The following RUNX1 variants were observed in gnomAD, a reference collection of about 807,000 sequenced individuals.
The protein encoded by RUNX1 is RUNX family transcription factor 1.
A neutral mutation model predicts 42.8 loss-of-function variants in RUNX1; 19 were observed. The ratio of observed to expected loss-of-function variants is 0.44; its 90% CI spans 0.31 to 0.65. The LOEUF is 0.65. Among genes scored for constraint, RUNX1 ranks in the 30% least tolerant of loss-of-function variants. The pLI is 0.07. For missense variants in RUNX1, 528 were observed against 672.0 expected (o/e 0.79, Z 2.37); for synonymous variants, 271 against 289.4 (o/e 0.94, Z 0.64).
chr21:34,932,447 G>A lies in RUNX1; in HGVS notation c.59-39484C>T, dbSNP rs79872435. 6.5e-3 allele frequency among the ~76,000 whole-genome samples: 988 copies of A among 152,138 alleles called. 8 individuals carry two copies. The highest frequency in any genetic ancestry group is 0.03 in the South Asian group (147 of 4,820). On this transcript the variant is annotated intron_variant, in intron 2 of 8. Transcript: ENST00000675419. ...CCATTATACCACTGCTGGGTTGTGG[G>A]TTCTCCCCTCTAAACGACTACTTCC...
At chr21:34,855,348 A>C (rs2057480984) in intron 6 of RUNX1, among the ~76,000 whole-genome samples, 1 of 152,200 alleles carries the variant, frequency 6.6e-6, no homozygotes, top group Admixed American at 6.6e-5. Context: ...CCTAAATTAC[A>C]GATTTGTGAG....
intron 2 of RUNX1, among the ~76,000 whole-genome samples, chr21:34,971,418 G>A (rs1282379402): frequency 6.6e-6 from 1 of 152,092 alleles, no homozygotes; most frequent in Admixed American, 6.5e-5. Flanking sequence ...TCTAAAGAAT[G>A]ATAATTCTTT....
intron 2 of RUNX1, among the ~76,000 whole-genome samples, chr21:34,987,298 T>G (rs1385219604): frequency 6.6e-6 from 1 of 152,126 alleles, no homozygotes; most frequent in Non-Finnish European, 1.5e-5. Context: ...AACAGGAGCA[T>G]GTAGCCAGTT....
intron 2 of RUNX1, among the ~76,000 whole-genome samples, chr21:34,899,320 A>G (rs2058158265): frequency 6.6e-6 from 1 of 152,088 alleles, no homozygotes; most frequent in African/African-American, 2.4e-5. Flanking sequence ...GATATGTGGG[A>G]GGTGATTAGA....
chr21:34,948,852 TCTC>T (rs1275083124), intron 2 of RUNX1, among the ~76,000 whole-genome samples: 3 of 152,098 alleles, frequency 2.0e-5, no homozygotes, highest in African/African-American at 7.2e-5. Context: ...CTCAAGCAAT[TCTC>T]CTGCTTCAGC....
chr21:34,886,370 C>T (rs2057987413), intron 4 of RUNX1, among the ~76,000 whole-genome samples: 1 of 152,174 alleles, frequency 6.6e-6, no homozygotes, highest in African/African-American at 2.4e-5. Flanking sequence ...CTGACAGTTT[C>T]CCTAGTTAGT....
At chr21:34,914,621 G>T (rs2058297704) in intron 2 of RUNX1, among the ~76,000 whole-genome samples, 1 of 152,152 alleles carries the variant, frequency 6.6e-6, no homozygotes, top group South Asian at 2.1e-4. Flanking sequence ...AGGGAACTCA[G>T]TTCCCTCCTC....
chr21:34,927,532 G>T (rs1301990007), intron 2 of RUNX1, among the ~76,000 whole-genome samples: 1 of 152,152 alleles, frequency 6.6e-6, no homozygotes, highest in African/African-American at 2.4e-5. Flanking sequence ...GATGCAGGGG[G>T]CTACTCATTT....
chr21:34,871,001 T>C (rs1349950222), intron 5 of RUNX1, among the ~76,000 whole-genome samples: 1 of 152,038 alleles, frequency 6.6e-6, no homozygotes, highest in Non-Finnish European at 1.5e-5. Context: ...GAACAGTCAT[T>C]CATTCACAGA....
chr21:34,836,575 T>C (rs955828701), intron 6 of RUNX1, among the ~76,000 whole-genome samples: 2 of 152,304 alleles, frequency 1.3e-5, no homozygotes, highest in Non-Finnish European at 2.9e-5. Context: ...CTCAGCCCTT[T>C]AACCTCCTAC....
chr21:34,813,611 C>T (rs1363538325), intron 7 of RUNX1, among the ~76,000 whole-genome samples: 2 of 152,016 alleles, frequency 1.3e-5, no homozygotes, highest in African/African-American at 4.8e-5. Flanking sequence ...GCATGTTGAG[C>T]CCTGGGTGAG....
At chr21:34,939,500 C>A (rs1365269558) in intron 2 of RUNX1, among the ~76,000 whole-genome samples, 2 of 152,046 alleles carry the variant, frequency 1.3e-5, no homozygotes, top group African/African-American at 4.8e-5. Context: ...GAGAGTTTGC[C>A]CAGGCAAATC....
At chr21:34,804,546 T>TA (rs1569012775) in intron 7 of RUNX1, among the ~76,000 whole-genome samples, 1 of 151,742 alleles carries the variant, frequency 6.6e-6, no homozygotes, top group African/African-American at 2.4e-5. Flanking sequence ...AAACTTTCAA[T>TA]AAAAAATTAC....
intron 2 of RUNX1, among the ~76,000 whole-genome samples, chr21:34,998,100 C>T (rs1019047309): frequency 1.3e-5 from 2 of 152,160 alleles, no homozygotes; most frequent in African/African-American, 4.8e-5. Context: ...AGCATTGCAT[C>T]TTCTATGTTT....
At chr21:34,944,080 C>A (rs2058547545) in intron 2 of RUNX1, among the ~76,000 whole-genome samples, 1 of 152,170 alleles carries the variant, frequency 6.6e-6, no homozygotes, top group Non-Finnish European at 1.5e-5. Flanking sequence ...GTGATCACAG[C>A]TCACTGTAGG....
chr21:34,821,617 T>A (rs2056909522), intron 7 of RUNX1: 17 of 1,554,866 alleles, frequency 1.1e-5, no homozygotes, highest in Non-Finnish European at 1.5e-5. Flanking sequence ...ATGGAAAAGA[T>A]AGCTCTATCC....
At chr21:34,804,647 A>G (rs2056653983) in intron 7 of RUNX1, among the ~76,000 whole-genome samples, 2 of 152,178 alleles carry the variant, frequency 1.3e-5, no homozygotes, top group South Asian at 4.1e-4. Context: ...ATTACAAGAC[A>G]GGGAATTTAA....
At chr21:34,863,869 A>G (rs931681234) in intron 5 of RUNX1, among the ~76,000 whole-genome samples, 12 of 152,056 alleles carry the variant, frequency 7.9e-5, no homozygotes, top group Non-Finnish European at 1.2e-4. Flanking sequence ...AGCACACACT[A>G]GTAGGTGGGG....
chr21:35,049,034 T>G (rs56045941), intron 1 of RUNX1, 76 bp from the exon 2 acceptor site: 6 of 775,092 alleles, frequency 7.7e-6, no homozygotes, highest in Middle Eastern at 6.2e-4. Flanking sequence ...TCTTCTCCCC[T>G]CTGCTGGATA....
Sources: gnomAD v4.1 joint callset for allele counts (sites outside exome capture counted in the v4.1 genomes callset) on GRCh38, gnomAD v4.1.1 for gene constraint, MANE v1.5 for transcripts, NCBI Gene and HGNC (gene_info 2026-07-23, HGNC 2026-07-21) for gene names.